Variants in AGO2 observed in about 807,000 individuals in gnomAD.
AGO2 encodes argonaute RISC catalytic component 2.
Under a neutral mutation model 102.3 loss-of-function variants are expected in AGO2, and 5 were observed. The observed-to-expected ratio is 0.05, with a 90% CI of 0.03 to 0.10. The LOEUF (loss-of-function observed/expected upper bound fraction) is 0.10. AGO2 is among the 10% of genes least tolerant of loss of function. AGO2 has a pLI of 1.00. For synonymous variants in AGO2, 449 were observed against 473.1 expected (o/e 0.95, Z 0.66); for missense variants, 541 against 1,183.7 (o/e 0.46, Z 7.97).
Position 140,530,050 on chromosome 8 carries a change from C to T in AGO2, c.*1994G>A, listed in dbSNP as rs934338378. On this transcript the variant is annotated 3_prime_UTR_variant, in exon 19 of 19. Coordinates refer to ENST00000220592, the MANE Select transcript of AGO2 (RefSeq NM_012154.5). ...TTGCCACTAAAACAAAAGGAACTGC[C>T]ATTTCTTAGAGTGGGAGCTTCTGTC... 2 of 151,546 alleles carry T rather than the reference C, an allele frequency of 1.3e-5. No homozygotes were observed. Among genetic ancestry groups the T allele is most frequent in the African/African-American group, 4.9e-5 (2 of 41,042 alleles). The allele number at this position is 151,546 out of a possible 1,614,324, so 9.4% of individuals were successfully genotyped here.
upstream of AGO2, chr8:140,635,655 CG>C (rs2074399016): frequency 5.6e-5 from 23 of 413,934 alleles, no homozygotes; most frequent in Non-Finnish European, 7.3e-5. Context: ...GCGGCCGGGG[CG>C]GCGGGCGGAG....
At chr8:140,620,171 A>T (rs2074200727) in intron 1 of AGO2, among the ~76,000 whole-genome samples, 1 of 152,188 alleles carries the variant, frequency 6.6e-6, no homozygotes, top group Non-Finnish European at 1.5e-5. Context: ...AGGCAACAGC[A>T]CCGGCCATGT....
In AGO2 at chr8:140,562,467, G is replaced by A. The variant is rs1371065450; in HGVS notation, c.504C>T (p.His168=). The A allele has an allele frequency of 3.1e-6, 5 of 1,612,036 alleles. No homozygotes were observed. Among genetic ancestry groups the A allele is most frequent in the African/African-American group, 1.3e-5 (1 of 74,910 alleles). Residue 168 remains histidine (H), a synonymous_variant, in exon 4 of 19, where the codon CAC becomes CAT. Transcript: ENST00000220592. The part of the protein sequence containing the change: ...TIQALDVVMR[H]LPSMRYTPVG... ...GGCGCCCTCACCTCATGGATGGCAA[G>A]TGCCTCATGACCACGTCCAGGGCCT...
intron 1 of AGO2, among the ~76,000 whole-genome samples, chr8:140,635,188 G>C (rs1004378512): frequency 6.8e-6 from 1 of 146,414 alleles, no homozygotes; most frequent in Non-Finnish European, 1.5e-5. Context: ...GAGGACGCTG[G>C]GACGCGGGCC....
intron 1 of AGO2, among the ~76,000 whole-genome samples, chr8:140,632,732 C>T (rs891813840): frequency 2.6e-5 from 4 of 152,052 alleles, no homozygotes; most frequent in Non-Finnish European, 5.9e-5. Flanking sequence ...GTTCAAAAAA[C>T]GAAAAAATAG....
intron 1 of AGO2, among the ~76,000 whole-genome samples, chr8:140,591,334 G>A (rs1299071972): frequency 6.6e-6 from 1 of 152,232 alleles, no homozygotes; most frequent in Non-Finnish European, 1.5e-5. Context: ...GGCAGGGGCT[G>A]TAGAAGGTGC....
intron 1 of AGO2, among the ~76,000 whole-genome samples, chr8:140,595,036 G>A (rs1000891432): frequency 1.3e-5 from 2 of 152,152 alleles, no homozygotes; most frequent in African/African-American, 4.8e-5. Flanking sequence ...CATCCATGTG[G>A]GGAGATTTCA....
chr8:140,603,242 A>T (rs998070466), intron 1 of AGO2, among the ~76,000 whole-genome samples: 10 of 152,102 alleles, frequency 6.6e-5, no homozygotes, highest in Admixed American at 1.3e-4. Context: ...TCTCATCGGG[A>T]AGTCTGTCAG....
At chr8:140,611,472 C>T (rs145048493) in intron 1 of AGO2, among the ~76,000 whole-genome samples, 4,658 of 152,070 alleles carry the variant, frequency 0.031, 233 homozygotes, top group African/African-American at 0.11. Context: ...GGATTACAGG[C>T]GCCCACCACC....
At chr8:140,641,212 C>T in the AGO2 span, among the ~76,000 whole-genome samples, 4 of 151,944 alleles carry the variant, frequency 2.6e-5, no homozygotes, top group East Asian at 1.9e-4. Flanking sequence ...ATCACCTAAG[C>T]CCTCAGGGAG....
In AGO2 at chr8:140,531,091, T is replaced by C. The variant is rs1274768550; in HGVS notation, c.*953A>G. ...CCATCTCCAGGCTCCAAAACACTCT[T>C]GATATGCCAAACAGATCACAGAAGC... is the stretch of plus-strand genomic sequence containing the variant. On this transcript the variant is annotated 3_prime_UTR_variant, in exon 19 of 19. Coordinates refer to ENST00000220592, the MANE Select transcript of AGO2 (RefSeq NM_012154.5). The C allele has an allele frequency of 6.6e-6, 1 of 152,392 alleles. No homozygotes were observed. Among genetic ancestry groups the C allele is most frequent in the Non-Finnish European group, 1.5e-5 (1 of 68,058 alleles). 9.4% of individuals were successfully genotyped at this position (152,392 alleles called of 1,614,324 possible). A position where few individuals can be genotyped will look rare whatever the true frequency, so the allele number is the denominator to read the frequency against.
At chr8:140,635,250 G>A (rs1033609351) in intron 1 of AGO2, among the ~76,000 whole-genome samples, 5 of 146,248 alleles carry the variant, frequency 3.4e-5, no homozygotes, top group African/African-American at 1.2e-4. Flanking sequence ...GACTCGCGGG[G>A]GCCGAGGAGG....
rs1449676552 is a variant in AGO2 at position 140,540,127 on chromosome 8, A to G, written c.2035-673T>C. The stretch of plus-strand genomic sequence containing the variant: ...AAAAACAAAACAAAAAACACACAAA[A>G]AACAAAGCAGCTCAGGCAGGCTCCA... On this transcript the variant is annotated intron_variant, in intron 15 of 18. Transcript: ENST00000220592. The surrounding 1 kb of genome is among the most constrained non-coding windows in gnomAD (Gnocchi z 5.0). Among the ~76,000 whole-genome samples, 1 of 152,128 alleles carries G rather than the reference A, an allele frequency of 6.6e-6. No homozygotes were observed. The highest frequency in any genetic ancestry group is 1.5e-5 in the Non-Finnish European group (1 of 68,024).
chr8:140,532,637 G>C, intron 17 of AGO2, 22 bp from the exon 18 acceptor site: 1 of 1,609,644 alleles, frequency 6.2e-7, no homozygotes. Flanking sequence ...CAGAAGATTA[G>C]ACAGTTGGAC....
chr8:140,558,015 C>T (rs1019989678), intron 7 of AGO2, among the ~76,000 whole-genome samples: 1 of 152,216 alleles, frequency 6.6e-6, no homozygotes, highest in Non-Finnish European at 1.5e-5. Flanking sequence ...GGGGCCAAAT[C>T]TATCACCTCC....
chr8:140,567,904 T>A lies in AGO2; in HGVS notation c.336+4908A>T, dbSNP rs568809426. Among the ~76,000 whole-genome samples, 2 of 151,902 alleles carry A rather than the reference T, an allele frequency of 1.3e-5. No homozygotes were observed. Among genetic ancestry groups the A allele is most frequent in the East Asian group, 3.9e-4 (2 of 5,160 alleles). ...CCGTGGGAGGCCGAGGCGGGCTGGATCGCTTGAGCTCAGGAGTTGCAGACC... is the reference window on the plus strand; with the variant it reads ...CCGTGGGAGGCCGAGGCGGGCTGGAACGCTTGAGCTCAGGAGTTGCAGACC... On this transcript the variant is annotated intron_variant, in intron 3 of 18. Coordinates refer to ENST00000220592, the MANE Select transcript of AGO2 (RefSeq NM_012154.5). This position sits in a 1 kb window ranked among gnomAD's most constrained non-coding sequence, Gnocchi z 5.0.
At chr8:140,565,631 G>T (rs893890889) in intron 3 of AGO2, among the ~76,000 whole-genome samples, 32 of 147,712 alleles carry the variant, frequency 2.2e-4, no homozygotes, top group African/African-American at 7.8e-4. Flanking sequence ...ATCAGAGTGA[G>T]ACTCTGTCTC....
rs1173395161 is a variant in AGO2 at position 140,528,694 on chromosome 8, A to T, written c.*3350T>A. 1.3e-5 allele frequency: 2 copies of T among 152,198 alleles called. No individual in the cohort carries two copies. Among genetic ancestry groups the T allele is most frequent in the African/African-American group, 4.8e-5 (2 of 41,438 alleles). The allele number at this position is 152,198 out of a possible 1,614,324, so 9.4% of individuals were successfully genotyped here. A position where few individuals can be genotyped will look rare whatever the true frequency, so the allele number is the denominator to read the frequency against. ...AAGGCTGCATGTAAAGACTGCTTGA[A>T]CCAGAGAAAACCAAAACTTAAGGAA... On this transcript the variant is annotated 3_prime_UTR_variant, in exon 19 of 19. Transcript: ENST00000220592. The surrounding 1 kb of genome is among the most constrained non-coding windows in gnomAD (Gnocchi z 4.5).
In AGO2 at chr8:140,530,313, G is replaced by A. The variant is rs920738810; in HGVS notation, c.*1731C>T. 1.3e-5 allele frequency: 2 copies of A among 152,230 alleles called. No individual in the cohort carries two copies. The highest frequency in any genetic ancestry group is 2.4e-5 in the African/African-American group (1 of 41,436). 9.4% of individuals were successfully genotyped at this position (152,230 alleles called of 1,614,324 possible). ...AAAGCAGCTGAGCACAAAGGTGGGG[G>A]GGGGGGTGCCGCTGAGCAGGAGGCA... On this transcript the variant is annotated 3_prime_UTR_variant, in exon 19 of 19. Transcript: ENST00000220592.
Sources: allele counts gnomAD v4.1 joint callset (sites outside exome capture counted in the v4.1 genomes callset), GRCh38; gene constraint gnomAD v4.1.1; non-coding constraint Gnocchi (gnomAD v3.1); transcripts MANE v1.5; gene names NCBI Gene and HGNC (gene_info 2026-07-23, HGNC 2026-07-21).